The following GNA13 variants were observed in gnomAD, a reference collection of about 807,000 sequenced individuals.
GNA13 encodes guanine nucleotide-binding protein subunit alpha-13.
GNA13 carries 4 observed loss-of-function variants against 33.5 expected under a neutral mutation model. The observed-to-expected ratio is 0.12, with a 90% CI of 0.06 to 0.27. GNA13 has a LOEUF of 0.27. Ranked by LOEUF, GNA13 falls within the 10% of genes least tolerant of loss-of-function variation. The pLI is 1.00. For synonymous variants in GNA13, 176 were observed against 183.8 expected (o/e 0.96, Z 0.34); for missense variants, 319 against 487.2 (o/e 0.65, Z 3.25).
At chr17:65,019,626 T>G (rs1202219452) in intron 2 of GNA13, among the ~76,000 whole-genome samples, 2 of 152,106 alleles carry the variant, frequency 1.3e-5, no homozygotes, top group African/African-American at 4.8e-5. Flanking sequence ...TCAAAGCAAT[T>G]GAACCCATGG....
chr17:65,035,477 T>C (rs1306135551), intron 2 of GNA13, among the ~76,000 whole-genome samples: 3 of 152,320 alleles, frequency 2.0e-5, no homozygotes, highest in African/African-American at 7.2e-5. Context: ...AGCAGAGATG[T>C]CCTGAGGTGG....
In GNA13 at chr17:65,010,761, T is replaced by A. The variant is rs1906159625; in HGVS notation, c.*3496A>T. On this transcript the variant is annotated 3_prime_UTR_variant, in exon 4 of 4. Transcript: ENST00000439174. ...GGGAGTTTGTTACAAATGTTTGGGCTTTACAGGCATGATTTCACGGATTCA... is the reference window on the plus strand; with the variant it reads ...GGGAGTTTGTTACAAATGTTTGGGCATTACAGGCATGATTTCACGGATTCA... 4.7e-6 allele frequency: 1 copy of A among 211,520 alleles called. No individual in the cohort carries two copies. The highest frequency in any genetic ancestry group is 1.9e-4 in the South Asian group (1 of 5,336). 13.1% of individuals were successfully genotyped at this position (211,520 alleles called of 1,614,324 possible). A position where few individuals can be genotyped will look rare whatever the true frequency, so the allele number is the denominator to read the frequency against.
rs1327870365 is a variant in GNA13 at position 65,011,461 on chromosome 17, T to C, written c.*2796A>G. The C allele has an allele frequency of 1.0e-5, 2 of 198,260 alleles. No homozygotes were observed. The highest frequency in any genetic ancestry group is 2.1e-5 in the Non-Finnish European group (2 of 95,646). The allele number at this position is 198,260 out of a possible 1,614,324, so 12.3% of individuals were successfully genotyped here. ...GGCAGACAGCAACAATGCAGGTTAT[T>C]AAAAATATTAAAGGGGCAGAGGCAT... On this transcript the variant is annotated 3_prime_UTR_variant, in exon 4 of 4. Coordinates refer to ENST00000439174, the MANE Select transcript of GNA13 (RefSeq NM_006572.6).
At chr17:65,044,094 T>C (rs543178584) in intron 2 of GNA13, among the ~76,000 whole-genome samples, 92 of 152,254 alleles carry the variant, frequency 6.0e-4, no homozygotes, top group African/African-American at 1.7e-3. Flanking sequence ...CCACTGCACA[T>C]TGGCCTCGGG....
chr17:65,048,579 C>T (rs1298748963), intron 2 of GNA13, among the ~76,000 whole-genome samples: 1 of 152,148 alleles, frequency 6.6e-6, no homozygotes, highest in African/African-American at 2.4e-5. Flanking sequence ...TTCTTTTCCA[C>T]AGTAAGCTAT....
chr17:65,041,133 A>G (rs1173199321), intron 2 of GNA13, among the ~76,000 whole-genome samples: 1 of 152,218 alleles, frequency 6.6e-6, no homozygotes, highest in Non-Finnish European at 1.5e-5. Flanking sequence ...GACTAAGAAA[A>G]CAGTAACCAA....
intron 2 of GNA13, among the ~76,000 whole-genome samples, chr17:65,049,554 C>CT (rs1366968976): frequency 6.6e-6 from 1 of 152,144 alleles, no homozygotes; most frequent in Non-Finnish European, 1.5e-5. Context: ...AGCTGTGACT[C>CT]TAACACACAT....
intron 2 of GNA13, among the ~76,000 whole-genome samples, chr17:65,038,564 T>C (rs12944911): frequency 0.99 from 150,068 of 152,264 alleles, 73,990 homozygotes; most frequent in Middle Eastern, 1. Flanking sequence ...GCATACACCA[T>C]CGTACCCAAC....
intron 2 of GNA13, among the ~76,000 whole-genome samples, chr17:65,032,881 T>A (rs993254634): frequency 7.2e-5 from 11 of 152,068 alleles, no homozygotes; most frequent in African/African-American, 2.7e-4. Context: ...GAGGCTGAGA[T>A]GGGTGGATCA....
intron 1 of GNA13, chr17:65,055,623 G>A (rs1179733410): frequency 1.0e-6 from 1 of 985,318 alleles, no homozygotes; most frequent in Non-Finnish European, 1.2e-6. Flanking sequence ...AAAAAGCACA[G>A]ATGCTACATT....
rs554732030 is a variant in GNA13, at chr17:65,019,404, T to C, written c.511-1101A>G. 3.1e-4 allele frequency among the ~76,000 whole-genome samples: 47 copies of C among 152,196 alleles called. No individual in the cohort carries two copies. In the South Asian group the frequency reaches 8.7e-3, roughly 28 times the overall value. ...GCTGCACTCTTCACAAAAGCCAAGA[T>C]TTGGAAGCAGCCTAAGTGTCCATCA... On this transcript the variant is annotated intron_variant, in intron 2 of 3. Coordinates refer to ENST00000439174, the MANE Select transcript of GNA13 (RefSeq NM_006572.6).
chr17:65,018,925 G>A (rs531291294), intron 2 of GNA13, among the ~76,000 whole-genome samples: 21 of 152,264 alleles, frequency 1.4e-4, no homozygotes, highest in South Asian at 4.1e-4. Context: ...TAAACTGTAC[G>A]AGAATACATT....
intron 2 of GNA13, among the ~76,000 whole-genome samples, chr17:65,023,973 C>T (rs2143783291): frequency 6.6e-6 from 1 of 152,334 alleles, no homozygotes; most frequent in East Asian, 1.9e-4. Flanking sequence ...TATGCTATGG[C>T]TGGCACGGTG....
chr17:65,056,736 G>A lies in GNA13; in HGVS notation c.-143C>T. 1 of 238,186 alleles carries A rather than the reference G, an allele frequency of 4.2e-6. No individual in the cohort carries two copies. 14.8% of individuals were successfully genotyped at this position (238,186 alleles called of 1,614,324 possible). On this transcript the variant is annotated 5_prime_UTR_variant, in exon 1 of 4. Transcript: ENST00000439174. The stretch of plus-strand genomic sequence containing the variant: ...GCGCCCAGGGAGGGAGGGAACCAGC[G>A]AACTGACTCGCAGGGCGGGCCGGGC...
Position 65,009,856 on chromosome 17 carries a change from C to T in GNA13, c.*4401G>A, listed in dbSNP as rs1394875534. Among the ~76,000 whole-genome samples the T allele has an allele frequency of 6.6e-6, 1 of 152,112 alleles. No homozygotes were observed. The highest frequency in any genetic ancestry group is 1.5e-5 in the Non-Finnish European group (1 of 68,016). ...ACCATCAAACAGGCATGATTAAGGACAATTTCTCACTTACTATGGCAAAAA... is the reference window on the plus strand; with the variant it reads ...ACCATCAAACAGGCATGATTAAGGATAATTTCTCACTTACTATGGCAAAAA... On this transcript the variant is annotated 3_prime_UTR_variant, in exon 4 of 4. Transcript: ENST00000439174.
intron 2 of GNA13, among the ~76,000 whole-genome samples, chr17:65,043,735 A>G (rs1907547150): frequency 6.6e-6 from 1 of 152,232 alleles, no homozygotes; most frequent in Admixed American, 6.5e-5. Flanking sequence ...CAAGAACAAA[A>G]AAAACAAACA....
At chr17:65,021,361 C>G (rs1047036181) in intron 2 of GNA13, among the ~76,000 whole-genome samples, 3 of 152,140 alleles carry the variant, frequency 2.0e-5, no homozygotes, top group Non-Finnish European at 4.4e-5. Context: ...CAATGTTGCC[C>G]CCACTTCACA....
intron 2 of GNA13, among the ~76,000 whole-genome samples, chr17:65,051,151 A>T (rs902904389): frequency 6.6e-6 from 1 of 152,216 alleles, no homozygotes; most frequent in Non-Finnish European, 1.5e-5. Flanking sequence ...ACTTTCAGGT[A>T]TGCAGTTCTT....
intron 1 of GNA13, 48 bp downstream of exon 1, chr17:65,056,263 C>T: frequency 2.4e-6 from 3 of 1,267,174 alleles, no homozygotes; most frequent in Non-Finnish European, 3.3e-6. Flanking sequence ...CCGCCGCCGC[C>T]CCAGCCCCCC....
Sources: gnomAD v4.1 joint callset for allele counts (sites outside exome capture counted in the v4.1 genomes callset) on GRCh38, gnomAD v4.1.1 for gene constraint, MANE v1.5 for transcripts, NCBI Gene and HGNC (gene_info 2026-07-23, HGNC 2026-07-21) for gene names.